SIPA1L2: variants seen among roughly 807,000 people sequenced by gnomAD.
SIPA1L2 encodes the protein signal induced proliferation associated 1 like 2, also known as signal-induced proliferation-associated 1-like protein 2.
Under a neutral mutation model 163.9 loss-of-function variants are expected in SIPA1L2, and 56 were observed. That is an observed-to-expected ratio of 0.34 (90% CI 0.28 to 0.43). SIPA1L2 has a LOEUF of 0.43. Ranked by LOEUF, SIPA1L2 falls within the 20% of genes least tolerant of loss-of-function variation. The probability of loss-of-function intolerance (pLI) is 1.00; values close to 1 mark genes in which losing one functional copy is unlikely to be tolerated. For missense variants in SIPA1L2, 1,974 were observed against 2,193.5 expected, an observed-to-expected ratio of 0.90 and a Z score of 2.00; for synonymous variants, 877 against 865.7, an observed-to-expected ratio of 1.01 and a Z score of -0.23.
chr1:232,515,045 A>G lies in SIPA1L2; in HGVS notation c.295T>C (p.Trp99Arg). 6.2e-7 allele frequency: 1 copy of G among 1,614,114 alleles called. No individual in the cohort carries two copies. Among genetic ancestry groups the G allele is most frequent in the Non-Finnish European group, 8.5e-7 (1 of 1,180,024 alleles). Residue 99 changes from tryptophan (W) to arginine (R), a missense_variant, in exon 3 of 23, where the codon TGG becomes CGG. Physicochemically the swap from Trp to Arg is moderately radical, Grantham distance 101. Coordinates refer to ENST00000674635, the MANE Select transcript of SIPA1L2 (RefSeq NM_020808.5). ...TAACTGGTCTGAGACCGGCTTTCCC[A>G]CAGTGCCTTGCATGTTAGCTCCTTG... ...CSKELTCKAL[W>R]ESRSQTSYES...
chr1:232,467,183 G>A (rs2102935854), intron 8 of SIPA1L2, among the ~76,000 whole-genome samples: 1 of 152,298 alleles, frequency 6.6e-6, no homozygotes, highest in South Asian at 2.1e-4. Flanking sequence ...AGACAGACAG[G>A]TGGCTAGATG....
intron 2 of SIPA1L2, among the ~76,000 whole-genome samples, chr1:232,556,595 C>A (rs1346895239): frequency 6.6e-6 from 1 of 152,044 alleles, no homozygotes; most frequent in African/African-American, 2.4e-5. Context: ...CCGGGAAAAA[C>A]AAACAGAGAC....
intron 19 of SIPA1L2, among the ~76,000 whole-genome samples, chr1:232,414,964 C>T (rs1489117190): frequency 6.6e-6 from 1 of 152,204 alleles, no homozygotes; most frequent in East Asian, 1.9e-4. Context: ...GCTAGCCCAC[C>T]TACCCTCACT....
Position 232,548,578 on chromosome 1 carries a change from T to C in SIPA1L2, c.-270+25596A>G, listed in dbSNP as rs879939742. 5.9e-5 allele frequency among the ~76,000 whole-genome samples: 9 copies of C among 152,314 alleles called. No homozygotes were observed. In the South Asian group the frequency reaches 1.2e-3, roughly 21 times the overall value. On this transcript the variant is annotated intron_variant, in intron 2 of 22. Coordinates refer to ENST00000674635, the MANE Select transcript of SIPA1L2 (RefSeq NM_020808.5). ...AATAAATATGTACTAATAAATTCAATCAATATACTTCATTCATTTACTCTT... is the reference window on the plus strand; with the variant it reads ...AATAAATATGTACTAATAAATTCAACCAATATACTTCATTCATTTACTCTT...
chr1:232,458,205 C>T (rs1664039253), intron 10 of SIPA1L2, among the ~76,000 whole-genome samples: 1 of 152,160 alleles, frequency 6.6e-6, no homozygotes, highest in Non-Finnish European at 1.5e-5. Context: ...ATTAATGAGA[C>T]TCCTAGGAGG....
intron 1 of SIPA1L2, among the ~76,000 whole-genome samples, chr1:232,598,983 A>G (rs200405296): frequency 8.2e-6 from 1 of 122,682 alleles, no homozygotes; most frequent in Non-Finnish European, 1.8e-5. Flanking sequence ...AAAAAAAAAA[A>G]CTTCCAAATC....
At chr1:232,504,069 G>A (rs1360070159) in intron 3 of SIPA1L2, among the ~76,000 whole-genome samples, 1 of 152,122 alleles carries the variant, frequency 6.6e-6, no homozygotes, top group South Asian at 2.1e-4. Flanking sequence ...GAGTGTGGTG[G>A]TGCATGTCTG....
chr1:232,496,639 G>A (rs1666209613), intron 3 of SIPA1L2, among the ~76,000 whole-genome samples: 1 of 151,536 alleles, frequency 6.6e-6, no homozygotes, highest in Non-Finnish European at 1.5e-5. Flanking sequence ...GTAGTATACT[G>A]TCACTATATT....
intron 18 of SIPA1L2, among the ~76,000 whole-genome samples, chr1:232,421,908 G>GA (rs1444935772): frequency 6.6e-6 from 1 of 152,156 alleles, no homozygotes; most frequent in East Asian, 1.9e-4. Flanking sequence ...AGTCCATTCT[G>GA]ATAGGAAGAT....
Position 232,432,339 on chromosome 1 carries a change from G to C in SIPA1L2, c.4164C>G (p.His1388Gln). 1 of 1,614,094 alleles carries C rather than the reference G, an allele frequency of 6.2e-7. No homozygotes were observed. Among genetic ancestry groups the C allele is most frequent in the East Asian group, 2.2e-5 (1 of 44,900 alleles). Residue 1388 changes from histidine to glutamine, a missense_variant, in exon 16 of 23, where the codon CAC (histidine) becomes CAG (glutamine). This residue lies in a region of SIPA1L2 where 1,079 missense variants were observed against 1,150.7 expected (regional missense o/e 0.94). Transcript: ENST00000674635. ...CATATTTGTTCACTGCCCCTTGTCTGTGGTAGGGCTTGGACATGGACCCGG... is the reference window on the plus strand; with the variant it reads ...CATATTTGTTCACTGCCCCTTGTCTCTGGTAGGGCTTGGACATGGACCCGG... ...QVPGSMSKPY[H>Q]RQGAVNKYVI...
chr1:232,490,838 T>C (rs1665891826), intron 5 of SIPA1L2, 36 bp downstream of exon 5: 1 of 1,541,358 alleles, frequency 6.5e-7, no homozygotes, highest in Non-Finnish European at 8.8e-7. Flanking sequence ...CAGACACAAA[T>C]TCACACACAA....
chr1:232,572,765 ATATATATATATATATT>A (rs1463919189), intron 2 of SIPA1L2, among the ~76,000 whole-genome samples: 1,072 of 106,928 alleles, frequency 0.01, 22 homozygotes, highest in African/African-American at 0.033. Flanking sequence ...ATATATATAT[ATATATATATATATATT>A]TATTTATTTA....
chr1:232,428,426 C>A lies in SIPA1L2; in HGVS notation c.4395G>T (p.Glu1465Asp). The A allele has an allele frequency of 6.4e-7, 1 of 1,556,562 alleles. No homozygotes were observed. Among genetic ancestry groups the A allele is most frequent in the South Asian group, 1.2e-5 (1 of 81,662 alleles). The change falls in exon 17 of 23, where the codon GAG becomes GAT. Residue 1465 changes from glutamate to aspartate, a missense_variant. By Grantham distance (45) the Glu-to-Asp change is conservative (BLOSUM62 2). This residue lies in a region of SIPA1L2 where 1,079 missense variants were observed against 1,150.7 expected (regional missense o/e 0.94). Transcript: ENST00000674635. ...AGTCACTAACCTTTCTTCGCCCCTC[C>A]TCCACTAAGGGGCTGTCAGGAAGCA... is the stretch of plus-strand genomic sequence containing the variant. ...KLMLPDSPLV[E>D]EGRRKFSFYG... is the part of the protein sequence containing the mutation.
intron 22 of SIPA1L2, among the ~76,000 whole-genome samples, chr1:232,401,286 C>T (rs904144947): frequency 2.6e-5 from 4 of 152,164 alleles, no homozygotes; most frequent in African/African-American, 4.8e-5. Context: ...TTCTCCATCC[C>T]GGGCAAACTG....
intron 6 of SIPA1L2, among the ~76,000 whole-genome samples, chr1:232,482,041 C>T (rs1050105252): frequency 6.6e-6 from 1 of 152,216 alleles, no homozygotes; most frequent in African/African-American, 2.4e-5. Context: ...GTCAGACTTC[C>T]TTGCCATCTC....
chr1:232,565,872 T>C (rs897813071), intron 2 of SIPA1L2, among the ~76,000 whole-genome samples: 5 of 152,182 alleles, frequency 3.3e-5, no homozygotes, highest in Admixed American at 2.0e-4. Flanking sequence ...ATGTTTGAGT[T>C]TGAAAGGACT....
At chr1:232,530,259 G>A (rs984827357) in intron 2 of SIPA1L2, among the ~76,000 whole-genome samples, 3 of 151,864 alleles carry the variant, frequency 2.0e-5, no homozygotes, top group African/African-American at 4.8e-5. Context: ...GACCACAGGC[G>A]CACACCACCA....
At chr1:232,443,775 T>C (rs776478512) in intron 11 of SIPA1L2, 90 bp from the exon 12 acceptor site, 37 of 946,024 alleles carry the variant, frequency 3.9e-5, no homozygotes, top group Middle Eastern at 2.2e-4. Flanking sequence ...ATAAATATAC[T>C]TTGAGAATGA....
intron 10 of SIPA1L2, among the ~76,000 whole-genome samples, chr1:232,450,174 T>C (rs1241005465): frequency 6.6e-6 from 1 of 152,228 alleles, no homozygotes; most frequent in African/African-American, 2.4e-5. Context: ...GAAAGTAAAA[T>C]TCACCTCTCT....
Sources: allele counts gnomAD v4.1 joint callset (sites outside exome capture counted in the v4.1 genomes callset), GRCh38; gene constraint gnomAD v4.1.1; regional missense constraint gnomAD v4.1.1; transcripts MANE v1.5; gene names NCBI Gene and HGNC (gene_info 2026-07-23, HGNC 2026-07-21).